ARHGEF1: variants seen among roughly 807,000 people sequenced by gnomAD.
ARHGEF1 encodes 115 kDa guanine nucleotide exchange factor.
A neutral mutation model predicts 119.7 loss-of-function variants in ARHGEF1; 40 were observed. The ratio of observed to expected loss-of-function variants is 0.33; its 90% CI spans 0.26 to 0.44. The LOEUF is 0.44. ARHGEF1 is among the 20% of genes least tolerant of loss of function. The probability of loss-of-function intolerance (pLI) is 1.00; values close to 1 mark genes in which losing one functional copy is unlikely to be tolerated. For missense variants in ARHGEF1, 976 were observed against 1,268.3 expected, an observed-to-expected ratio of 0.77 and a Z score of 3.50; for synonymous variants, 494 against 521.0, an observed-to-expected ratio of 0.95 and a Z score of 0.71.
Position 41,903,093 on chromosome 19 carries a change from G to GTT in ARHGEF1, c.1739-204_1739-203dup, listed in dbSNP as rs367629351. On this transcript the variant is annotated intron_variant, in intron 18 of 28. Coordinates refer to ENST00000354532, the MANE Select transcript of ARHGEF1 (RefSeq NM_004706.4). The surrounding 1 kb of genome is among the most constrained non-coding windows in gnomAD (Gnocchi z 4.2). ...CCACCATGCCCAGCTAATTTTTTTA[G>GTT]TTTTTTTTTTTAGAGACGGGGTCTC... Among the ~76,000 whole-genome samples, 4 of 146,346 alleles carry GTT rather than the reference G, an allele frequency of 2.7e-5. No individual in the cohort carries two copies. The highest frequency in any genetic ancestry group is 6.8e-5 in the Admixed American group (1 of 14,650).
chr19:41,906,917 C>T lies in ARHGEF1; in HGVS notation c.*17+114C>T. On this transcript the variant is annotated intron_variant, in intron 28 of 28. Transcript: ENST00000354532. The surrounding 1 kb of genome is among the most constrained non-coding windows in gnomAD (Gnocchi z 4.5). Reference sequence around the variant, plus strand: ...TCCCTCTTTGTCTTTTCTGAATCTCCCCACTCCACCTCGTGTTTCTCATCT... The same window carrying T: ...TCCCTCTTTGTCTTTTCTGAATCTCTCCACTCCACCTCGTGTTTCTCATCT... 1 of 970,040 alleles carries T rather than the reference C, an allele frequency of 1.0e-6. No individual in the cohort carries two copies. Among genetic ancestry groups the T allele is most frequent in the Non-Finnish European group, 1.5e-6 (1 of 666,754 alleles). 60.1% of individuals were successfully genotyped at this position (970,040 alleles called of 1,614,324 possible). A position where few individuals can be genotyped will look rare whatever the true frequency, so the allele number is the denominator to read the frequency against.
At position 41,906,887 on chromosome 19, in the gene ARHGEF1, C is replaced by A; in HGVS notation, c.*17+84C>A. ...CTCGCATCCCTACAGCCCCTTCTGT[C>A]CATCTCCCTCTTTGTCTTTTCTGAA... On this transcript the variant is annotated intron_variant, in intron 28 of 28. Coordinates refer to ENST00000354532, the MANE Select transcript of ARHGEF1 (RefSeq NM_004706.4). This position sits in a 1 kb window ranked among gnomAD's most constrained non-coding sequence, Gnocchi z 4.5. 1 of 1,109,586 alleles carries A rather than the reference C, an allele frequency of 9.0e-7. No homozygotes were observed. Among genetic ancestry groups the A allele is most frequent in the Non-Finnish European group, 1.3e-6 (1 of 784,874 alleles). The allele number at this position is 1,109,586 out of a possible 1,614,324, so 68.7% of individuals were successfully genotyped here.
Position 41,929,567 on chromosome 19 carries a change from T to C in ARHGEF1, c.297-88T>C, listed in dbSNP as rs538777734. On this transcript the variant is annotated intron_variant, in intron 2 of 2. Coordinates refer to the ARHGEF1 transcript ENST00000594417. ...CCCTCCTATTCCCTCCCTTGCCCCTTGCCCCTCGCCCCTTGCCCCTCACCC... is the reference window on the plus strand; with the variant it reads ...CCCTCCTATTCCCTCCCTTGCCCCTCGCCCCTCGCCCCTTGCCCCTCACCC... The C allele has an allele frequency of 5.8e-4, 89 of 153,076 alleles. 1 individual carries two copies. The Middle Eastern group carries it at 0.013, about 23-fold the overall frequency. 9.5% of individuals were successfully genotyped at this position (153,076 alleles called of 1,614,324 possible). A position where few individuals can be genotyped will look rare whatever the true frequency, so the allele number is the denominator to read the frequency against.
chr19:41,884,659 T>A (rs549681518), intron 1 of ARHGEF1, among the ~76,000 whole-genome samples: 63 of 152,136 alleles, frequency 4.1e-4, no homozygotes, highest in African/African-American at 1.4e-3. Flanking sequence ...TCATTCCGTA[T>A]AAAGTCTTAC....
At chr19:41,897,339 GC>G (rs782399525) in intron 13 of ARHGEF1, 1 of 1,261,950 alleles carries the variant, frequency 7.9e-7, no homozygotes, top group South Asian at 1.3e-5. Flanking sequence ...GGGTGCCTGG[GC>G]CCTGGGTGGG....
chr19:41,927,492 A>C (rs759477495), intron 1 of ARHGEF1, among the ~76,000 whole-genome samples: 1 of 151,964 alleles, frequency 6.6e-6, no homozygotes, highest in Non-Finnish European at 1.5e-5. Flanking sequence ...GCTGATCCCC[A>C]GTCCCAGATA....
chr19:41,928,782 AC>A lies in ARHGEF1; in HGVS notation c.141-43del, dbSNP rs370429803. ...CGGGGGTGGGTGGAGAGGTGGAGAGACCCCCCTCCTCTCCCCTTCCCTTCTC... is the reference window on the plus strand; with the variant it reads ...CGGGGGTGGGTGGAGAGGTGGAGAGACCCCCTCCTCTCCCCTTCCCTTCTC... On this transcript the variant is annotated intron_variant, in intron 1 of 2. Transcript: ENST00000594417. The A allele has an allele frequency of 1.3e-3, 502 of 386,342 alleles. 2 individuals carry two copies. Among genetic ancestry groups the A allele is most frequent in the African/African-American group, 9.6e-3 (461 of 48,010 alleles). 23.9% of individuals were successfully genotyped at this position (386,342 alleles called of 1,614,324 possible).
At chr19:41,908,596 G>A, downstream of ARHGEF1, 1 of 1,231,840 alleles carries the variant, frequency 8.1e-7, no homozygotes, top group Non-Finnish European at 1.0e-6. The surrounding 1 kb of genome is among the most constrained non-coding windows in gnomAD (Gnocchi z 6.7). Flanking sequence ...GTGAGGTACG[G>A]GTTAAAGTTC....
Position 41,905,130 on chromosome 19 carries a change from G to C in ARHGEF1, c.2250-45G>C. On this transcript the variant is annotated intron_variant, in intron 23 of 28. Coordinates refer to ENST00000354532, the MANE Select transcript of ARHGEF1 (RefSeq NM_004706.4). This position sits in a 1 kb window ranked among gnomAD's most constrained non-coding sequence, Gnocchi z 6.4. ...GGGCTGTGGGGAGGCCCTGGCATAG[G>C]GTCTGGGGGCTCTGACTGCCCAGGG... The C allele has an allele frequency of 6.2e-7, 1 of 1,612,074 alleles. No homozygotes were observed. The highest frequency in any genetic ancestry group is 8.5e-7 in the Non-Finnish European group (1 of 1,178,208).
At chr19:41,909,979 G>A, downstream of ARHGEF1, 2 of 1,613,862 alleles carry the variant, frequency 1.2e-6, no homozygotes, top group Non-Finnish European at 8.5e-7. The surrounding 1 kb of genome is among the most constrained non-coding windows in gnomAD (Gnocchi z 5.2). Flanking sequence ...CCCCCTGCCA[G>A]GCTATGACGC....
chr19:41,891,680 C>G (rs1364820601), intron 4 of ARHGEF1, among the ~76,000 whole-genome samples: 1 of 152,090 alleles, frequency 6.6e-6, no homozygotes, highest in Non-Finnish European at 1.5e-5. Context: ...CACGTTAATG[C>G]ATGTAGAGGG....
Position 41,905,398 on chromosome 19 carries a change from T to C in ARHGEF1, c.2336+137T>C. On this transcript the variant is annotated intron_variant, in intron 24 of 28. Transcript: ENST00000354532. The surrounding 1 kb of genome is among the most constrained non-coding windows in gnomAD (Gnocchi z 6.4). ...ATGCATGTGTGTGCATACATGTGTG[T>C]CTGTACGCAAGTATGTGACTGTGCG... The C allele has an allele frequency of 1.3e-6, 1 of 758,160 alleles. No homozygotes were observed. Among genetic ancestry groups the C allele is most frequent in the Non-Finnish European group, 2.1e-6 (1 of 471,392 alleles). 47.0% of individuals were successfully genotyped at this position (758,160 alleles called of 1,614,324 possible). A position where few individuals can be genotyped will look rare whatever the true frequency, so the allele number is the denominator to read the frequency against.
downstream of ARHGEF1, among the ~76,000 whole-genome samples, chr19:41,911,558 G>T (rs1209743871): frequency 1.3e-5 from 2 of 151,862 alleles, no homozygotes; most frequent in Admixed American, 1.3e-4. Flanking sequence ...GTGGGTGCTT[G>T]TGCCTCCCGG....
upstream of ARHGEF1, among the ~76,000 whole-genome samples, chr19:41,920,101 T>C (rs2074830886): frequency 9.4e-6 from 1 of 106,562 alleles, no homozygotes. Flanking sequence ...CTCACAGACA[T>C]ACACTCACAG....
At chr19:41,891,458 A>G (rs1555846185) in intron 4 of ARHGEF1, among the ~76,000 whole-genome samples, 1 of 151,884 alleles carries the variant, frequency 6.6e-6, no homozygotes. Flanking sequence ...TAATTTTTTT[A>G]TTTTTAGTAG....
chr19:41,925,716 C>T (rs570344986), intron 1 of ARHGEF1, among the ~76,000 whole-genome samples: 166 of 152,108 alleles, frequency 1.1e-3, no homozygotes, highest in African/African-American at 3.7e-3. Flanking sequence ...AAGACAGGTA[C>T]GGGGGAATCC....
chr19:41,905,130 G>T lies in ARHGEF1; in HGVS notation c.2250-45G>T, dbSNP rs782417376. 3 of 1,612,074 alleles carry T rather than the reference G, an allele frequency of 1.9e-6. No individual in the cohort carries two copies. Among genetic ancestry groups the T allele is most frequent in the South Asian group, 2.2e-5 (2 of 91,032 alleles). On this transcript the variant is annotated intron_variant, in intron 23 of 28. Coordinates refer to ENST00000354532, the MANE Select transcript of ARHGEF1 (RefSeq NM_004706.4). This position sits in a 1 kb window ranked among gnomAD's most constrained non-coding sequence, Gnocchi z 6.4. ...GGGCTGTGGGGAGGCCCTGGCATAGGGTCTGGGGGCTCTGACTGCCCAGGG... is the reference window on the plus strand; with the variant it reads ...GGGCTGTGGGGAGGCCCTGGCATAGTGTCTGGGGGCTCTGACTGCCCAGGG...
At chr19:41,893,108 A>T in intron 7 of ARHGEF1, 166 bp from the exon 8 acceptor site, 2 of 988,130 alleles carry the variant, frequency 2.0e-6, no homozygotes, top group Non-Finnish European at 2.9e-6. Flanking sequence ...TGGATGAGAG[A>T]CCTCCCTCCC....
downstream of ARHGEF1, chr19:41,907,727 C>G: frequency 4.1e-6 from 1 of 245,852 alleles, no homozygotes. Flanking sequence ...TCTTTTATTT[C>G]TGTAGTAAAC....
Sources: gnomAD v4.1 joint callset for allele counts (sites outside exome capture counted in the v4.1 genomes callset) on GRCh38, gnomAD v4.1.1 for gene constraint, Gnocchi (gnomAD v3.1) non-coding constraint, MANE v1.5 for transcripts, NCBI Gene and HGNC (gene_info 2026-07-23, HGNC 2026-07-21) for gene names.